DNMT1: variants seen among roughly 807,000 people sequenced by gnomAD.
The protein encoded by DNMT1 is DNA (cytosine-5)-methyltransferase 1.
Under a neutral mutation model 205.3 loss-of-function variants are expected in DNMT1, and 24 were observed. The ratio of observed to expected loss-of-function variants is 0.12; its 90% CI spans 0.08 to 0.16. DNMT1 has a LOEUF of 0.16. Ranked by LOEUF, DNMT1 falls within the 10% of genes least tolerant of loss-of-function variation. The pLI is 1.00. For missense variants in DNMT1, 1,293 were observed against 2,177.7 expected, an observed-to-expected ratio of 0.59 and a Z score of 8.09; for synonymous variants, 817 against 839.8, an observed-to-expected ratio of 0.97 and a Z score of 0.47.
At chr19:10,173,008 C>T (rs80026830) in intron 9 of DNMT1, 82 bp downstream of exon 9, 25,615 of 1,529,832 alleles carry the variant, frequency 0.017, 256 homozygotes, top group Middle Eastern at 0.02. Flanking sequence ...TTCCCCACCC[C>T]CTGTCCCCAC....
At position 10,140,700 on chromosome 19, in the gene DNMT1, C is replaced by A; in HGVS notation, c.3523+81G>T. ...GAGATTCTTGAGTCAGGAAGGTGAC[C>A]GGGGTTGGAAGTCGTTTCAGGTAGC... On this transcript the variant is annotated intron_variant, in intron 32 of 40. Transcript: ENST00000359526. The surrounding 1 kb of genome is among the most constrained non-coding windows in gnomAD (Gnocchi z 8.4). 1 of 1,609,724 alleles carries A rather than the reference C, an allele frequency of 6.2e-7. No individual in the cohort carries two copies. Among genetic ancestry groups the A allele is most frequent in the Non-Finnish European group, 8.5e-7 (1 of 1,177,000 alleles).
At chr19:10,143,599 G>C (rs1012681210) in intron 29 of DNMT1, among the ~76,000 whole-genome samples, 167 bp downstream of exon 29, 3 of 152,146 alleles carry the variant, frequency 2.0e-5, no homozygotes, top group Non-Finnish European at 4.4e-5. Flanking sequence ...CTGGGAACTA[G>C]AATTCTAGTC....
At chr19:10,162,517 G>A (rs567294848) in intron 13 of DNMT1, 150 bp downstream of exon 13, 67 of 763,152 alleles carry the variant, frequency 8.8e-5, no homozygotes, top group Non-Finnish European at 1.3e-4. Flanking sequence ...TGATTCACCC[G>A]CTTCAGCCTC....
intron 12 of DNMT1, chr19:10,162,973 T>A: frequency 1.7e-6 from 1 of 580,204 alleles, no homozygotes; most frequent in Non-Finnish European, 3.0e-6. Context: ...GCTTTTTTTT[T>A]TTTTTTTTTT....
chr19:10,146,295 C>A lies in DNMT1; in HGVS notation c.2894+56G>T. 6.2e-7 allele frequency: 1 copy of A among 1,602,852 alleles called. No individual in the cohort carries two copies. The highest frequency in any genetic ancestry group is 8.5e-7 in the Non-Finnish European group (1 of 1,174,582). ...CTGTAAGGAGGGGGACACCACAAAG[C>A]CAGCCTGGCTCAGCCTGGAGCGCCC... On this transcript the variant is annotated intron_variant, in intron 28 of 40. Coordinates refer to ENST00000359526, the MANE Select transcript of DNMT1 (RefSeq NM_001130823.3). This position sits in a 1 kb window ranked among gnomAD's most constrained non-coding sequence, Gnocchi z 4.4.
chr19:10,176,262 C>G (rs915207899), intron 6 of DNMT1, among the ~76,000 whole-genome samples: 2 of 152,076 alleles, frequency 1.3e-5, no homozygotes, highest in African/African-American at 4.8e-5. Flanking sequence ...GGCAAGGGGA[C>G]CTGTGGAACA....
intron 9 of DNMT1, 126 bp downstream of exon 9, chr19:10,172,964 C>T: frequency 8.2e-6 from 9 of 1,092,978 alleles, no homozygotes; most frequent in South Asian, 2.6e-5. Context: ...AAAGGCATTT[C>T]GATCACTAGC....
intron 9 of DNMT1, among the ~76,000 whole-genome samples, chr19:10,169,506 G>A (rs532265231): frequency 1.7e-3 from 264 of 152,000 alleles, no homozygotes; most frequent in African/African-American, 5.5e-3. Flanking sequence ...GCAGTGAACC[G>A]AGATCGTGCC....
chr19:10,194,622 A>G (rs2039368636), intron 1 of DNMT1, 198 bp downstream of exon 1: 1 of 640,484 alleles, frequency 1.6e-6, no homozygotes. Context: ...TCCACGGTCC[A>G]TTTTGGCGCC....
chr19:10,149,684 G>C, intron 25 of DNMT1, 27 bp from the exon 26 acceptor site: 1 of 1,612,356 alleles, frequency 6.2e-7, no homozygotes, highest in Non-Finnish European at 8.5e-7. Flanking sequence ...GGCATGGGGA[G>C]AAAGTTCTGA....
Position 10,137,384 on chromosome 19 carries a change from G to A in DNMT1, c.4294-104C>T. On this transcript the variant is annotated intron_variant, in intron 36 of 40. Transcript: ENST00000359526. This position sits in a 1 kb window ranked among gnomAD's most constrained non-coding sequence, Gnocchi z 6.4. ...CACCATGGTGACCAGGAAGCCCCCT[G>A]GGGCTCACGCCCATCGGGAAAGAGA... 7.1e-7 allele frequency: 1 copy of A among 1,399,792 alleles called. No homozygotes were observed. The highest frequency in any genetic ancestry group is 9.7e-7 in the Non-Finnish European group (1 of 1,027,666). The allele number at this position is 1,399,792 out of a possible 1,614,324, so 86.7% of individuals were successfully genotyped here.
Position 10,181,999 on chromosome 19 carries a change from A to C in DNMT1, c.117+42T>G. 3.2e-6 allele frequency: 5 copies of C among 1,565,614 alleles called. No individual in the cohort carries two copies. In the South Asian group the frequency reaches 5.6e-5, roughly 18 times the overall value. ...CTTTTTATGAGCCACAAAGTGTGTC[A>C]GTCAGATTTGGTAATAAGAAAAATT... On this transcript the variant is annotated intron_variant, in intron 2 of 40. Coordinates refer to ENST00000359526, the MANE Select transcript of DNMT1 (RefSeq NM_001130823.3).
chr19:10,168,487 T>G lies in DNMT1; in HGVS notation c.769-123A>C, dbSNP rs112698226. 1.6e-4 allele frequency: 157 copies of G among 973,812 alleles called. 2 individuals carry two copies. The African/African-American group carries it at 2.3e-3, about 14-fold the overall frequency. The allele number at this position is 973,812 out of a possible 1,614,324, so 60.3% of individuals were successfully genotyped here. Reference sequence around the variant, plus strand: ...AGAGTCCACTGGTGGGAGTAAAGACTGTCTACCAGTGGGCACAGTAGCTCA... The same window carrying G: ...AGAGTCCACTGGTGGGAGTAAAGACGGTCTACCAGTGGGCACAGTAGCTCA... On this transcript the variant is annotated intron_variant, in intron 9 of 40. Coordinates refer to ENST00000359526, the MANE Select transcript of DNMT1 (RefSeq NM_001130823.3).
At chr19:10,175,084 T>TACACACACAC (rs201133845) in intron 7 of DNMT1, among the ~76,000 whole-genome samples, 3 of 113,948 alleles carry the variant, frequency 2.6e-5, no homozygotes, top group East Asian at 3.2e-4. Context: ...CATACATACA[T>TACACACACAC]ACACACACAC....
chr19:10,180,157 C>T (rs1440137737), intron 5 of DNMT1, 30 bp downstream of exon 5: 4 of 688,900 alleles, frequency 5.8e-6, no homozygotes, highest in Admixed American at 4.5e-5. Context: ...CTACTAAATA[C>T]AAAAATTAGC....
chr19:10,188,137 T>C (rs1348720749), intron 1 of DNMT1, among the ~76,000 whole-genome samples: 1 of 150,882 alleles, frequency 6.6e-6, no homozygotes, highest in African/African-American at 2.4e-5. Context: ...AAAAATAAAA[T>C]ATAGTGGACC....
chr19:10,181,826 C>G (rs1369163978), intron 2 of DNMT1, among the ~76,000 whole-genome samples: 1 of 151,772 alleles, frequency 6.6e-6, no homozygotes, highest in Non-Finnish European at 1.5e-5. Context: ...GAGACTCTGT[C>G]TCAAAAAACA....
chr19:10,172,417 A>G (rs911743735), intron 9 of DNMT1, among the ~76,000 whole-genome samples: 2 of 151,932 alleles, frequency 1.3e-5, no homozygotes, highest in Non-Finnish European at 2.9e-5. Context: ...AAAAAAAAAA[A>G]AAAAAAAGTT....
At chr19:10,144,607 G>C (rs1486622588) in intron 28 of DNMT1, 1 of 164,628 alleles carries the variant, frequency 6.1e-6, no homozygotes, top group Non-Finnish European at 1.3e-5. Flanking sequence ...TCACTGCCTG[G>C]GGAATGTCCT....
Sources: allele counts gnomAD v4.1 joint callset (sites outside exome capture counted in the v4.1 genomes callset), GRCh38; gene constraint gnomAD v4.1.1; non-coding constraint Gnocchi (gnomAD v3.1); transcripts MANE v1.5; gene names NCBI Gene and HGNC (gene_info 2026-07-23, HGNC 2026-07-21).